PTPRT: variants seen among roughly 807,000 people sequenced by gnomAD.
The protein encoded by PTPRT is receptor-type tyrosine-protein phosphatase T.
In PTPRT, 56 loss-of-function variants were observed where a neutral mutation model predicts 176.8. The ratio of observed to expected loss-of-function variants is 0.32; its 90% CI spans 0.26 to 0.40. PTPRT has a LOEUF of 0.40. Among genes scored for constraint, PTPRT ranks in the 10% least tolerant of loss-of-function variants. PTPRT has a pLI of 1.00. For missense variants in PTPRT, 1,540 were observed against 1,908.2 expected, an observed-to-expected ratio of 0.81 and a Z score of 3.60; for synonymous variants, 783 against 739.0, an observed-to-expected ratio of 1.06 and a Z score of -0.96.
chr20:42,038,488 C>G, the PTPRT span, among the ~76,000 whole-genome samples: 1 of 152,086 alleles, frequency 6.6e-6, no homozygotes, highest in African/African-American at 2.4e-5. Flanking sequence ...GAAGGATGAG[C>G]AGAGTGGACT....
chr20:42,911,651 C>A (rs1485675515), intron 1 of PTPRT, among the ~76,000 whole-genome samples: 1 of 152,078 alleles, frequency 6.6e-6, no homozygotes, highest in African/African-American at 2.4e-5. Context: ...TCATTTCAAT[C>A]TAATTGCAAA....
chr20:42,320,793 C>T (rs1376368855), intron 11 of PTPRT, among the ~76,000 whole-genome samples: 1 of 152,158 alleles, frequency 6.6e-6, no homozygotes, highest in African/African-American at 2.4e-5. Context: ...GGCTTTTGAA[C>T]CTCCAGTGCT....
At chr20:43,029,451 A>T (rs1012649744) in intron 1 of PTPRT, among the ~76,000 whole-genome samples, 5 of 152,240 alleles carry the variant, frequency 3.3e-5, no homozygotes, top group African/African-American at 1.2e-4. Flanking sequence ...GAAACAAATC[A>T]GATGTATCAC....
chr20:43,150,868 T>G (rs1016345854), intron 1 of PTPRT, among the ~76,000 whole-genome samples: 21 of 152,172 alleles, frequency 1.4e-4, no homozygotes, highest in African/African-American at 5.1e-4. Flanking sequence ...TACCTAGAGA[T>G]GAAGGCAGAT....
rs747633323 is a variant in PTPRT, at chr20:42,104,652, C to A, written c.3457G>T (p.Val1153Leu). The change falls in exon 25 of 31, where the codon GTG becomes TTG. Residue 1153 changes from valine to leucine, a missense_variant. Coordinates refer to ENST00000373187, the MANE Select transcript of PTPRT (RefSeq NM_007050.6). ...TAGTAGAGAGAACGGAACTCACACA[C>A]AGGGATGGCAGTGTTGCCACAGAGG... ...ACLCGNTAIP[V>L]CEFRSLYYNI... is the part of the protein sequence containing the mutation. 1 of 1,598,998 alleles carries A rather than the reference C, an allele frequency of 6.3e-7. No homozygotes were observed. Among genetic ancestry groups the A allele is most frequent in the African/African-American group, 1.3e-5 (1 of 74,702 alleles).
At chr20:42,651,702 T>G (rs1374305499) in intron 7 of PTPRT, among the ~76,000 whole-genome samples, 1 of 152,122 alleles carries the variant, frequency 6.6e-6, no homozygotes, top group Non-Finnish European at 1.5e-5. Context: ...ATTAGCTCTG[T>G]GACCATGGAC....
intron 6 of PTPRT, among the ~76,000 whole-genome samples, chr20:42,753,915 G>A (rs1300054341): frequency 6.6e-6 from 1 of 152,158 alleles, no homozygotes; most frequent in African/African-American, 2.4e-5. Flanking sequence ...GGGAATTTCA[G>A]AGTGCTAAAC....
At chr20:42,673,003 G>C (rs181835790) in intron 7 of PTPRT, among the ~76,000 whole-genome samples, 3 of 152,298 alleles carry the variant, frequency 2.0e-5, no homozygotes, top group East Asian at 3.9e-4. Context: ...TGATAGAAAG[G>C]AGTGAAACTT....
intron 2 of PTPRT, among the ~76,000 whole-genome samples, chr20:42,883,812 C>T (rs377034578): frequency 1.7e-3 from 104 of 62,140 alleles, no homozygotes; most frequent in South Asian, 2.9e-3. Context: ...ACCCTTACAC[C>T]CCCATATGCA....
chr20:42,810,412 C>T (rs2077682698), intron 2 of PTPRT, among the ~76,000 whole-genome samples: 1 of 152,162 alleles, frequency 6.6e-6, no homozygotes. Context: ...CACTTATACA[C>T]ACAAGGGAAG....
At chr20:43,168,131 C>G (rs1337081085) in intron 1 of PTPRT, among the ~76,000 whole-genome samples, 1 of 152,180 alleles carries the variant, frequency 6.6e-6, no homozygotes, top group Non-Finnish European at 1.5e-5. Flanking sequence ...CTCTGCACAC[C>G]TCTCGCTGCA....
At chr20:42,414,265 A>C (rs1028351024) in intron 9 of PTPRT, among the ~76,000 whole-genome samples, 2 of 152,252 alleles carry the variant, frequency 1.3e-5, no homozygotes, top group African/African-American at 4.8e-5. Context: ...TAAAATGGAA[A>C]CAAACAGCTA....
chr20:42,763,139 T>C (rs1319226807), intron 5 of PTPRT, among the ~76,000 whole-genome samples: 1 of 152,238 alleles, frequency 6.6e-6, no homozygotes, highest in Non-Finnish European at 1.5e-5. Flanking sequence ...GCTGTTTTCC[T>C]ACCGTCTGAT....
chr20:43,134,077 G>A (rs1215417164), intron 1 of PTPRT, among the ~76,000 whole-genome samples: 2 of 152,144 alleles, frequency 1.3e-5, no homozygotes, highest in Non-Finnish European at 2.9e-5. Flanking sequence ...GAGGAACAGA[G>A]GGACATGATA....
In PTPRT at chr20:42,118,383, C is replaced by T. The variant is rs370382955; in HGVS notation, c.2982+20G>A. On this transcript the variant is annotated intron_variant, in intron 21 of 30. Transcript: ENST00000373187. ...GCATCTCCAGCATCCTCTGCCCAGG[C>T]GAGTGCAGGAGAGGCTTACCCTGCC... The T allele has an allele frequency of 2.8e-5, 45 of 1,587,778 alleles. No individual in the cohort carries two copies. Among genetic ancestry groups the T allele is most frequent in the Middle Eastern group, 1.7e-4 (1 of 5,972 alleles).
chr20:43,091,657 G>A (rs2011878150), intron 1 of PTPRT, among the ~76,000 whole-genome samples: 1 of 151,852 alleles, frequency 6.6e-6, no homozygotes, highest in Non-Finnish European at 1.5e-5. Flanking sequence ...ATATTAATTA[G>A]GAATAGACTG....
chr20:42,958,999 G>A (rs771869953), intron 1 of PTPRT, among the ~76,000 whole-genome samples: 1 of 152,154 alleles, frequency 6.6e-6, no homozygotes, highest in Non-Finnish European at 1.5e-5. Flanking sequence ...AAATGTTTCA[G>A]TTCACCCAGT....
At chr20:42,637,227 T>C (rs2074622803) in intron 7 of PTPRT, among the ~76,000 whole-genome samples, 1 of 152,200 alleles carries the variant, frequency 6.6e-6, no homozygotes, top group Admixed American at 6.5e-5. Flanking sequence ...TGAGAATTAC[T>C]GGTCTACGTG....
intron 24 of PTPRT, 64 bp downstream of exon 24, chr20:42,106,722 A>C: frequency 6.4e-7 from 1 of 1,573,636 alleles, no homozygotes; most frequent in Non-Finnish European, 8.7e-7. Context: ...TCTCCGTTCT[A>C]TCATCATGTT....
Sources: allele counts gnomAD v4.1 joint callset (sites outside exome capture counted in the v4.1 genomes callset), GRCh38; gene constraint gnomAD v4.1.1; transcripts MANE v1.5; gene names NCBI Gene and HGNC (gene_info 2026-07-23, HGNC 2026-07-21).